The following IQCM variants were observed in gnomAD, a reference collection of about 807,000 sequenced individuals.
IQCM encodes IQ motif containing M, also known as IQ domain-containing protein M.
In IQCM, 45 loss-of-function variants were observed where a neutral mutation model predicts 57.6. That is an observed-to-expected ratio of 0.78 (90% CI 0.62 to 1.00). IQCM has a LOEUF of 1.00. IQCM is among the 50% of genes least tolerant of loss of function. IQCM has a pLI of 0.00. For synonymous variants in IQCM, 148 were observed against 158.9 expected (o/e 0.93, Z 0.51); for missense variants, 468 against 511.6 (o/e 0.91, Z 0.82).
At chr4:149,414,952 CA>C (rs1733640059) in intron 13 of IQCM, among the ~76,000 whole-genome samples, 1 of 152,034 alleles carries the variant, frequency 6.6e-6, no homozygotes, top group African/African-American at 2.4e-5. Flanking sequence ...TACTTTGCAT[CA>C]AATATAATAA....
At chr4:149,692,902 C>CA (rs1399604110) in intron 5 of IQCM, among the ~76,000 whole-genome samples, 4 of 151,176 alleles carry the variant, frequency 2.6e-5, no homozygotes, top group South Asian at 4.2e-4. Flanking sequence ...GAGACCAGGG[C>CA]AAAAAAACAG....
intron 13 of IQCM, among the ~76,000 whole-genome samples, chr4:149,396,358 A>G (rs1384012967): frequency 1.3e-5 from 2 of 151,786 alleles, no homozygotes; most frequent in Non-Finnish European, 2.9e-5. Flanking sequence ...AATTTTCTAT[A>G]TGATAAATGT....
At chr4:149,406,179 G>A (rs756114130) in intron 13 of IQCM, among the ~76,000 whole-genome samples, 3 of 151,918 alleles carry the variant, frequency 2.0e-5, no homozygotes, top group Non-Finnish European at 2.9e-5. Flanking sequence ...CAGGCACAAT[G>A]TATTTAATAG....
intron 5 of IQCM, among the ~76,000 whole-genome samples, chr4:149,725,909 T>C (rs1765848742): frequency 6.6e-6 from 1 of 152,022 alleles, no homozygotes; most frequent in Non-Finnish European, 1.5e-5. Flanking sequence ...CCCTATCTTC[T>C]TGTTCTACTA....
chr4:149,588,796 T>C (rs1200176267), intron 8 of IQCM, among the ~76,000 whole-genome samples: 4 of 151,870 alleles, frequency 2.6e-5, no homozygotes, highest in African/African-American at 7.2e-5. Flanking sequence ...TATTTTCTTA[T>C]GGTATCCCTA....
At chr4:149,807,416 T>C (rs1413341835) in intron 2 of IQCM, among the ~76,000 whole-genome samples, 1 of 152,048 alleles carries the variant, frequency 6.6e-6, no homozygotes, top group African/African-American at 2.4e-5. Flanking sequence ...TCTTTTGCCA[T>C]ATATAAAAAT....
intron 12 of IQCM, among the ~76,000 whole-genome samples, chr4:149,486,508 G>A (rs984113290): frequency 3.9e-5 from 6 of 152,142 alleles, no homozygotes; most frequent in Non-Finnish European, 8.8e-5. Flanking sequence ...CAGCACTTTG[G>A]GAGGCTGAGG....
At chr4:149,511,525 C>A (rs898826025) in intron 12 of IQCM, among the ~76,000 whole-genome samples, 5 of 122,062 alleles carry the variant, frequency 4.1e-5, no homozygotes, top group Non-Finnish European at 5.1e-5. Flanking sequence ...GAGACCCTGT[C>A]TCTAAATAAA....
intron 8 of IQCM, among the ~76,000 whole-genome samples, chr4:149,591,073 C>T (rs1161393773): frequency 6.6e-6 from 1 of 152,012 alleles, no homozygotes; most frequent in Non-Finnish European, 1.5e-5. Context: ...TTTGTAACAA[C>T]CTAAATAGAT....
intron 13 of IQCM, among the ~76,000 whole-genome samples, chr4:149,395,153 A>G (rs1719478772): frequency 6.6e-6 from 1 of 152,178 alleles, no homozygotes; most frequent in East Asian, 1.9e-4. Flanking sequence ...GAAGTAAAAC[A>G]TATAAACATA....
At chr4:149,577,213 G>A (rs1002244792) in intron 9 of IQCM, among the ~76,000 whole-genome samples, 3 of 151,864 alleles carry the variant, frequency 2.0e-5, no homozygotes, top group African/African-American at 7.2e-5. Context: ...TTTCTTTTGT[G>A]TGCAGAAGCT....
chr4:149,674,774 C>G (rs1477825685), intron 7 of IQCM, among the ~76,000 whole-genome samples: 4 of 152,170 alleles, frequency 2.6e-5, no homozygotes, highest in East Asian at 1.9e-4. Flanking sequence ...TGGAGAATAA[C>G]CAGTCTGGAG....
chr4:149,686,576 C>A (rs1051152419), intron 5 of IQCM, 108 bp from the exon 6 acceptor site: 12 of 425,778 alleles, frequency 2.8e-5, no homozygotes, highest in Admixed American at 8.9e-5. Context: ...GAGCTATAAT[C>A]TTTTAAAATG....
intron 2 of IQCM, among the ~76,000 whole-genome samples, chr4:149,808,234 A>G (rs1325574564): frequency 6.6e-6 from 1 of 152,162 alleles, no homozygotes; most frequent in East Asian, 1.9e-4. Context: ...ATTCATCCAT[A>G]AAAATAATGA....
chr4:149,654,555 C>T (rs1196933325), intron 7 of IQCM, among the ~76,000 whole-genome samples: 3 of 152,162 alleles, frequency 2.0e-5, no homozygotes, highest in East Asian at 1.9e-4. Flanking sequence ...CTGCACTAGG[C>T]TTGTACAGCC....
intron 7 of IQCM, among the ~76,000 whole-genome samples, chr4:149,680,885 T>A (rs1762127348): frequency 6.6e-6 from 1 of 151,350 alleles, no homozygotes; most frequent in Non-Finnish European, 1.5e-5. Flanking sequence ...CTCCTGTATA[T>A]AAGCTCCATA....
At chr4:149,473,767 T>G (rs368550100) in intron 12 of IQCM, among the ~76,000 whole-genome samples, 1 of 152,086 alleles carries the variant, frequency 6.6e-6, no homozygotes, top group Non-Finnish European at 1.5e-5. Context: ...AAATGTGGCA[T>G]ATATACACCA....
At chr4:149,551,948 C>T (rs1579460447) in intron 11 of IQCM, among the ~76,000 whole-genome samples, 1 of 152,204 alleles carries the variant, frequency 6.6e-6, no homozygotes, top group South Asian at 2.1e-4. Context: ...CAACACTTTG[C>T]TGCTTTCTGC....
At chr4:149,784,570 T>C (rs1461883327) in intron 2 of IQCM, among the ~76,000 whole-genome samples, 5 of 152,128 alleles carry the variant, frequency 3.3e-5, no homozygotes, top group African/African-American at 9.6e-5. Context: ...TGCCCGCCAC[T>C]GCGCCTGGCT....
Sources: allele counts gnomAD v4.1 joint callset (sites outside exome capture counted in the v4.1 genomes callset), GRCh38; gene constraint gnomAD v4.1.1; transcripts MANE v1.5; gene names NCBI Gene and HGNC (gene_info 2026-07-23, HGNC 2026-07-21).